NELL1: variants seen among roughly 807,000 people sequenced by gnomAD.
NELL1 encodes neural EGFL like 1, also known as protein kinase C-binding protein NELL1.
NELL1 carries 76 observed loss-of-function variants against 107.4 expected under a neutral mutation model. That is an observed-to-expected ratio of 0.71 (90% CI 0.59 to 0.86). The LOEUF is 0.86. Among genes scored for constraint, NELL1 ranks in the 40% least tolerant of loss-of-function variants. The probability of loss-of-function intolerance (pLI) is 0.00; values close to 1 mark genes in which losing one functional copy is unlikely to be tolerated. For synonymous variants in NELL1, 353 were observed against 341.2 expected, an observed-to-expected ratio of 1.03 and a Z score of -0.38; for missense variants, 1,024 against 1,005.5, an observed-to-expected ratio of 1.02 and a Z score of -0.25.
chr11:21,205,023 A>T (rs1857358513), intron 13 of NELL1, among the ~76,000 whole-genome samples: 1 of 152,030 alleles, frequency 6.6e-6, no homozygotes, highest in Non-Finnish European at 1.5e-5. Flanking sequence ...CCAGCCAGAG[A>T]TCTCCTGTAT....
rs76142697 is a variant in NELL1, at chr11:20,884,251, G to A, written c.507-1193G>A. ...TCACTTTCCTTGACACAAGTGGACA[G>A]TCTTTCAGTTCTTCTGCACTTTCCT... On this transcript the variant is annotated intron_variant, in intron 4 of 19. Transcript: ENST00000357134. Among the ~76,000 whole-genome samples the A allele has an allele frequency of 5.2e-3, 790 of 152,342 alleles. 5 individuals are homozygous for A. Among genetic ancestry groups the A allele is most frequent in the Non-Finnish European group, 7.5e-3 (507 of 68,036 alleles).
intron 15 of NELL1, among the ~76,000 whole-genome samples, chr11:21,472,364 T>C (rs552124923): frequency 2.1e-4 from 32 of 152,106 alleles, no homozygotes; most frequent in African/African-American, 7.5e-4. Context: ...TTAACCTGAG[T>C]TGTTGAACTT....
At chr11:21,179,969 G>A (rs888869243) in intron 13 of NELL1, among the ~76,000 whole-genome samples, 1 of 134,192 alleles carries the variant, frequency 7.5e-6, no homozygotes, top group Non-Finnish European at 1.5e-5. Context: ...TTAGCAGCAG[G>A]AAGGCAGCCA....
At chr11:21,051,402 T>G (rs561244623) in intron 12 of NELL1, among the ~76,000 whole-genome samples, 1 of 152,120 alleles carries the variant, frequency 6.6e-6, no homozygotes, top group East Asian at 1.9e-4. Context: ...GGGAGGGGGC[T>G]CAGGGATAAA....
chr11:21,343,066 G>C (rs1302965490), intron 14 of NELL1, among the ~76,000 whole-genome samples: 1 of 152,008 alleles, frequency 6.6e-6, no homozygotes, highest in African/African-American at 2.4e-5. Flanking sequence ...AAGTCTAACA[G>C]CTTTTGGTTT....
chr11:20,715,320 A>AG (rs1855224272), intron 2 of NELL1, among the ~76,000 whole-genome samples: 1 of 140,732 alleles, frequency 7.1e-6, no homozygotes, highest in East Asian at 2.1e-4. Flanking sequence ...TTTTTTTTTA[A>AG]AGAATGATTT....
intron 13 of NELL1, among the ~76,000 whole-genome samples, chr11:21,201,062 C>T (rs1370389093): frequency 3.3e-5 from 5 of 152,036 alleles, no homozygotes; most frequent in Admixed American, 6.6e-5. Flanking sequence ...GGTCAGGTAG[C>T]GTGATGCTTC....
intron 2 of NELL1, among the ~76,000 whole-genome samples, chr11:20,699,796 C>T (rs897941872): frequency 6.6e-6 from 1 of 152,072 alleles, no homozygotes; most frequent in East Asian, 1.9e-4. Flanking sequence ...GGTAGATACC[C>T]AATAGTGGAA....
intron 4 of NELL1, among the ~76,000 whole-genome samples, chr11:20,880,529 C>T (rs971851037): frequency 6.6e-6 from 1 of 152,196 alleles, no homozygotes; most frequent in Non-Finnish European, 1.5e-5. Context: ...GATACGAACC[C>T]AAACATGTTT....
Position 21,411,616 on chromosome 11 carries a change from A to T in NELL1, c.1645+40668A>T, listed in dbSNP as rs144732705. On this transcript the variant is annotated intron_variant, in intron 15 of 19. Transcript: ENST00000357134. ...GTAAAATCTAAGAGGTTGCCAAAAA[A>T]ACTCAGTGATCAAGATAAATGATTT... Among the ~76,000 whole-genome samples, 1,203 of 152,204 alleles carry T rather than the reference A, an allele frequency of 7.9e-3. 19 individuals are homozygous for T. Among genetic ancestry groups the T allele is most frequent in the African/African-American group, 0.028 (1,144 of 41,540 alleles).
At chr11:21,389,885 G>A (rs1851829702) in intron 15 of NELL1, among the ~76,000 whole-genome samples, 1 of 151,716 alleles carries the variant, frequency 6.6e-6, no homozygotes, top group South Asian at 2.1e-4. Context: ...TCTTGTATAT[G>A]TCCTTGGGTG....
At chr11:21,555,761 T>G (rs1856689092) in intron 16 of NELL1, among the ~76,000 whole-genome samples, 1 of 151,924 alleles carries the variant, frequency 6.6e-6, no homozygotes, top group Admixed American at 6.6e-5. Context: ...CTTTAGTCTT[T>G]GTCTTTTCAG....
At chr11:21,264,808 A>G (rs547705622) in intron 14 of NELL1, among the ~76,000 whole-genome samples, 21 of 151,952 alleles carry the variant, frequency 1.4e-4, no homozygotes, top group African/African-American at 5.1e-4. Flanking sequence ...ACCAGAGAGC[A>G]CTTCATTGAC....
intron 15 of NELL1, among the ~76,000 whole-genome samples, chr11:21,429,083 T>C (rs1422329437): frequency 6.6e-6 from 1 of 152,182 alleles, no homozygotes; most frequent in Non-Finnish European, 1.5e-5. Flanking sequence ...GATCCTAAAA[T>C]TCCTAATGAC....
At chr11:20,743,422 C>T (rs1317637370) in intron 2 of NELL1, among the ~76,000 whole-genome samples, 2 of 152,100 alleles carry the variant, frequency 1.3e-5, no homozygotes, top group African/African-American at 2.4e-5. Context: ...CAAGACTCAT[C>T]GCTTATCTGC....
intron 12 of NELL1, among the ~76,000 whole-genome samples, chr11:21,100,223 G>A (rs1854770854): frequency 6.6e-6 from 1 of 152,104 alleles, no homozygotes; most frequent in African/African-American, 2.4e-5. Context: ...TCGCCACGTT[G>A]CCCAGGCTGG....
At chr11:20,989,064 T>C (rs1003141940) in intron 12 of NELL1, among the ~76,000 whole-genome samples, 3 of 152,186 alleles carry the variant, frequency 2.0e-5, no homozygotes, top group Non-Finnish European at 2.9e-5. Context: ...GTGGTATTGG[T>C]GAAAGACAGC....
intron 2 of NELL1, among the ~76,000 whole-genome samples, chr11:20,730,222 A>T (rs559376469): frequency 6.6e-6 from 1 of 152,256 alleles, no homozygotes; most frequent in South Asian, 2.1e-4. Flanking sequence ...GATTATTAAT[A>T]TTATACTGTT....
chr11:20,762,639 C>T (rs536513935), intron 2 of NELL1, among the ~76,000 whole-genome samples: 1 of 152,296 alleles, frequency 6.6e-6, no homozygotes, highest in East Asian at 1.9e-4. Context: ...TGACAGACTC[C>T]ATGCGTATGG....
Sources: gnomAD v4.1 joint callset for allele counts (sites outside exome capture counted in the v4.1 genomes callset) on GRCh38, gnomAD v4.1.1 for gene constraint, MANE v1.5 for transcripts, NCBI Gene and HGNC (gene_info 2026-07-23, HGNC 2026-07-21) for gene names.